Variants in UBE2V1 observed in about 807,000 individuals in gnomAD.
UBE2V1 encodes the protein ubiquitin-conjugating enzyme E2 variant 1.
UBE2V1 carries 15 observed loss-of-function variants against 19.6 expected under a neutral mutation model. That is an observed-to-expected ratio of 0.77 (90% CI 0.51 to 1.18). The LOEUF (loss-of-function observed/expected upper bound fraction) is 1.18. Among genes scored for constraint, UBE2V1 ranks in the 50% most tolerant of loss-of-function variants. The pLI is 0.00. For synonymous variants in UBE2V1, 60 were observed against 60.7 expected, an observed-to-expected ratio of 0.99 and a Z score of 0.05; for missense variants, 125 against 184.8, an observed-to-expected ratio of 0.68 and a Z score of 1.88.
intron 2 of UBE2V1, among the ~76,000 whole-genome samples, chr20:50,094,015 AT>A (rs1171543784): frequency 2.3e-4 from 28 of 121,364 alleles, no homozygotes; most frequent in African/African-American, 3.2e-4. Context: ...AAAAAAAATA[AT>A]AATAATAATA....
At chr20:50,105,953 AC>A (rs1413269499) in intron 1 of UBE2V1, among the ~76,000 whole-genome samples, 2 of 151,918 alleles carry the variant, frequency 1.3e-5, no homozygotes, top group African/African-American at 4.9e-5. Context: ...AAACAAAAAA[AC>A]AAAAAACAAA....
intron 3 of UBE2V1, among the ~76,000 whole-genome samples, chr20:50,083,253 C>T (rs765754145): frequency 5.3e-5 from 8 of 152,206 alleles, no homozygotes; most frequent in Non-Finnish European, 1.0e-4. Context: ...TTCACTGCGC[C>T]CAGGTCAGGG....
rs879458095 is a variant in UBE2V1, at chr20:50,081,749, C to T, written c.*1019G>A. The T allele has an allele frequency of 4.9e-5, 11 of 225,308 alleles. No homozygotes were observed. The highest frequency in any genetic ancestry group is 9.5e-5 in the Non-Finnish European group (11 of 115,776). 14.0% of individuals were successfully genotyped at this position (225,308 alleles called of 1,614,324 possible). A position where few individuals can be genotyped will look rare whatever the true frequency, so the allele number is the denominator to read the frequency against. ...GTGCTTACAAGTATCTTCATGCGGT[C>T]TTTCTCCAAGTTCAACCACCAAGGA... On this transcript the variant is annotated 3_prime_UTR_variant, in exon 4 of 4. Transcript: ENST00000371674.
At chr20:50,101,024 T>G (rs6122872) in intron 1 of UBE2V1, among the ~76,000 whole-genome samples, 11,209 of 152,304 alleles carry the variant, frequency 0.074, 439 homozygotes, top group Middle Eastern at 0.11. Context: ...GGATTAGATA[T>G]TCGATTACTT....
chr20:50,109,315 G>A (rs1380057253), intron 1 of UBE2V1, among the ~76,000 whole-genome samples: 1 of 152,068 alleles, frequency 6.6e-6, no homozygotes, highest in Non-Finnish European at 1.5e-5. Flanking sequence ...AATTACTGCA[G>A]AGCTACAATT....
intron 1 of UBE2V1, chr20:50,108,927 A>T: frequency 4.1e-6 from 4 of 985,416 alleles, no homozygotes; most frequent in Non-Finnish European, 4.8e-6. Context: ...TCTCTCCAAG[A>T]TTAAACACTC....
upstream of UBE2V1, chr20:50,114,985 G>T (rs978689226): frequency 6.6e-6 from 1 of 151,770 alleles, no homozygotes; most frequent in African/African-American, 2.4e-5. Flanking sequence ...AAAATCGAGC[G>T]AACCCGGGAG....
At chr20:50,111,482 G>C (rs2080749565) in intron 1 of UBE2V1, 5 of 1,000,320 alleles carry the variant, frequency 5.0e-6, no homozygotes, top group Non-Finnish European at 6.0e-6. Flanking sequence ...TTACCCAGCA[G>C]TCTGGCCTGA....
chr20:50,099,479 G>A (rs2079845573), intron 1 of UBE2V1, among the ~76,000 whole-genome samples: 2 of 152,194 alleles, frequency 1.3e-5, no homozygotes, highest in African/African-American at 4.8e-5. Flanking sequence ...CTGGGTAAAA[G>A]AATTATGGAT....
chr20:50,088,804 A>G (rs2079066376), intron 2 of UBE2V1, among the ~76,000 whole-genome samples: 1 of 146,320 alleles, frequency 6.8e-6, no homozygotes, highest in Non-Finnish European at 1.5e-5. Flanking sequence ...AAAAAAAAGT[A>G]TGAGATATGA....
At chr20:50,091,706 A>G (rs2079240856) in intron 2 of UBE2V1, among the ~76,000 whole-genome samples, 1 of 152,224 alleles carries the variant, frequency 6.6e-6, no homozygotes, top group Admixed American at 6.5e-5. Flanking sequence ...AAGCTTTTAA[A>G]AAAGAGATCA....
At chr20:50,110,812 T>C (rs2147215294) in intron 1 of UBE2V1, among the ~76,000 whole-genome samples, 1 of 152,308 alleles carries the variant, frequency 6.6e-6, no homozygotes. Context: ...GAAGGCCTTT[T>C]ATCCTGTTAT....
chr20:50,095,237 G>A (rs987698322), intron 2 of UBE2V1: 7 of 152,302 alleles, frequency 4.6e-5, no homozygotes, highest in Middle Eastern at 3.4e-3. Flanking sequence ...TCAAGAAACC[G>A]AAATCATTCT....
intron 1 of UBE2V1, 21 bp downstream of exon 1, chr20:50,113,085 CG>C: frequency 8.3e-7 from 1 of 1,211,838 alleles, no homozygotes. Flanking sequence ...CTCGGCCGGC[CG>C]GGCCCGGCGC....
intron 1 of UBE2V1, among the ~76,000 whole-genome samples, chr20:50,105,260 T>C (rs2080280935): frequency 6.6e-6 from 1 of 152,176 alleles, no homozygotes; most frequent in Admixed American, 6.5e-5. Context: ...TAATTCCAAA[T>C]GGCCTAATCA....
chr20:50,091,092 G>T (rs1446448093), intron 2 of UBE2V1, among the ~76,000 whole-genome samples: 1 of 152,104 alleles, frequency 6.6e-6, no homozygotes, highest in African/African-American at 2.4e-5. Flanking sequence ...TGTCACCCAG[G>T]TTGGAGTCCA....
At chr20:50,097,826 C>G (rs1363836375) in intron 1 of UBE2V1, among the ~76,000 whole-genome samples, 1 of 152,216 alleles carries the variant, frequency 6.6e-6, no homozygotes, top group Non-Finnish European at 1.5e-5. Context: ...AAGAGAGGCT[C>G]ACTGGAGGGA....
At chr20:50,108,249 CA>C (rs1051667552) in intron 1 of UBE2V1, among the ~76,000 whole-genome samples, 1 of 152,156 alleles carries the variant, frequency 6.6e-6, no homozygotes, top group Non-Finnish European at 1.5e-5. Context: ...ATTAGGATGA[CA>C]AGAGTGGAGA....
At chr20:50,111,049 T>C (rs2080718571) in intron 1 of UBE2V1, among the ~76,000 whole-genome samples, 1 of 152,228 alleles carries the variant, frequency 6.6e-6, no homozygotes, top group Admixed American at 6.5e-5. Flanking sequence ...TCTCCCTGAC[T>C]TGAATGGAAG....
Sources: gnomAD v4.1 joint callset for allele counts (sites outside exome capture counted in the v4.1 genomes callset) on GRCh38, gnomAD v4.1.1 for gene constraint, MANE v1.5 for transcripts, NCBI Gene and HGNC (gene_info 2026-07-23, HGNC 2026-07-21) for gene names.